GRID2: variants seen among roughly 807,000 people sequenced by gnomAD.
The protein encoded by GRID2 is glutamate ionotropic receptor delta type subunit 2.
In GRID2, 33 loss-of-function variants were observed where a neutral mutation model predicts 114.8. The ratio of observed to expected loss-of-function variants is 0.29; its 90% CI spans 0.22 to 0.38. GRID2 has a LOEUF of 0.38. GRID2 is among the 10% of genes least tolerant of loss of function. The probability of loss-of-function intolerance (pLI) is 1.00; values close to 1 mark genes in which losing one functional copy is unlikely to be tolerated. For synonymous variants in GRID2, 505 were observed against 449.9 expected (o/e 1.12, Z -1.55); for missense variants, 1,184 against 1,257.7 (o/e 0.94, Z 0.89).
intron 14 of GRID2, among the ~76,000 whole-genome samples, chr4:93,681,133 A>G (rs1412880904): frequency 6.6e-6 from 1 of 151,492 alleles, no homozygotes; most frequent in Non-Finnish European, 1.5e-5. Flanking sequence ...TTATACACCA[A>G]TAACAGACAA....
intron 1 of GRID2, among the ~76,000 whole-genome samples, chr4:92,519,496 G>C (rs2149138381): frequency 6.6e-6 from 1 of 151,452 alleles, no homozygotes; most frequent in South Asian, 2.1e-4. Context: ...GCACATAAAG[G>C]CCATAGTCCT....
chr4:93,024,026 A>T (rs563994030), intron 2 of GRID2, among the ~76,000 whole-genome samples: 5 of 151,900 alleles, frequency 3.3e-5, no homozygotes, highest in Non-Finnish European at 7.4e-5. Flanking sequence ...CTCTATAAAA[A>T]CAATTTACAA....
At chr4:93,164,321 G>C (rs1738047353) in intron 4 of GRID2, among the ~76,000 whole-genome samples, 1 of 152,046 alleles carries the variant, frequency 6.6e-6, no homozygotes, top group African/African-American at 2.4e-5. Context: ...AGAATGAAGA[G>C]CAGATGTAAC....
In GRID2 at chr4:93,431,909, A is replaced by G. The variant is rs1769450761; in HGVS notation, c.1545+8941A>G. On this transcript the variant is annotated intron_variant, in intron 10 of 15. Transcript: ENST00000282020. ...GAAAATTGATTTTAATGAGGTAAAG[A>G]TGTTACTTTGATACTGAATATAATA... 3.9e-5 allele frequency among the ~76,000 whole-genome samples: 6 copies of G among 152,322 alleles called. 1 individual carries two copies. In the South Asian group the frequency reaches 1.2e-3, roughly 32 times the overall value.
intron 11 of GRID2, among the ~76,000 whole-genome samples, chr4:93,461,466 G>A (rs1395291278): frequency 1.3e-5 from 2 of 152,090 alleles, no homozygotes; most frequent in Non-Finnish European, 2.9e-5. Context: ...CAGAATTGCA[G>A]TCTTCATTGA....
At chr4:93,242,286 G>A (rs1426216148) in intron 8 of GRID2, among the ~76,000 whole-genome samples, 1 of 151,420 alleles carries the variant, frequency 6.6e-6, no homozygotes, top group Non-Finnish European at 1.5e-5. Context: ...AACAAGAGAG[G>A]TGACTAGGGA....
intron 9 of GRID2, among the ~76,000 whole-genome samples, chr4:93,401,031 C>T (rs570979363): frequency 3.0e-4 from 46 of 152,038 alleles, no homozygotes; most frequent in Non-Finnish European, 4.7e-4. Flanking sequence ...CAGGGGCTCG[C>T]TATGTTGCCC....
At chr4:93,585,538 A>C (rs1485364460) in intron 13 of GRID2, among the ~76,000 whole-genome samples, 1 of 151,998 alleles carries the variant, frequency 6.6e-6, no homozygotes, top group Non-Finnish European at 1.5e-5. Context: ...CCCTTCTTAA[A>C]ATGAGGTCCA....
chr4:92,709,265 T>G (rs1424527566), intron 2 of GRID2, among the ~76,000 whole-genome samples: 1 of 152,140 alleles, frequency 6.6e-6, no homozygotes, highest in Non-Finnish European at 1.5e-5. Flanking sequence ...TCACTAAAAT[T>G]TAATAGTAAT....
chr4:93,595,886 G>A (rs1294242571), intron 13 of GRID2, among the ~76,000 whole-genome samples: 3 of 152,076 alleles, frequency 2.0e-5, no homozygotes, highest in Non-Finnish European at 2.9e-5. Context: ...TGTATTGATC[G>A]CCTATTATGT....
chr4:93,291,660 A>T (rs1325217182), intron 8 of GRID2, among the ~76,000 whole-genome samples: 2 of 152,224 alleles, frequency 1.3e-5, no homozygotes, highest in Non-Finnish European at 2.9e-5. Context: ...AAATCCAAGT[A>T]TATACTTATT....
At chr4:93,353,157 G>C (rs1760970539) in intron 8 of GRID2, among the ~76,000 whole-genome samples, 1 of 152,052 alleles carries the variant, frequency 6.6e-6, no homozygotes, top group Admixed American at 6.6e-5. Flanking sequence ...GTAACACATA[G>C]TAGTGAGCGT....
At chr4:92,431,370 T>C (rs1732439238) in intron 1 of GRID2, among the ~76,000 whole-genome samples, 1 of 152,178 alleles carries the variant, frequency 6.6e-6, no homozygotes, top group Non-Finnish European at 1.5e-5. Flanking sequence ...ATCATATTGA[T>C]TTTGCCCTTC....
chr4:92,304,855 C>T (rs1332645127), intron 1 of GRID2, 111 bp downstream of exon 1: 1 of 772,876 alleles, frequency 1.3e-6, no homozygotes, highest in East Asian at 2.5e-5. Context: ...GAGGTGGCTT[C>T]AGTTCATTGC....
chr4:92,400,230 A>G (rs1449323737), intron 1 of GRID2, among the ~76,000 whole-genome samples: 1 of 152,186 alleles, frequency 6.6e-6, no homozygotes, highest in Non-Finnish European at 1.5e-5. Context: ...TCCAAAAAAG[A>G]AAACCTCTAT....
chr4:93,803,513 G>T (rs760562742), intron 1 of GRID2, among the ~76,000 whole-genome samples: 1 of 152,098 alleles, frequency 6.6e-6, no homozygotes, highest in Non-Finnish European at 1.5e-5. Flanking sequence ...CACAAGGTCA[G>T]GAGTTCGAGA....
At chr4:92,663,316 C>A (rs889926679) in intron 2 of GRID2, among the ~76,000 whole-genome samples, 1 of 150,958 alleles carries the variant, frequency 6.6e-6, no homozygotes. Context: ...AAATGGGCTT[C>A]AAAGTTCACT....
At chr4:93,735,049 C>T (rs1181318386) in intron 14 of GRID2, among the ~76,000 whole-genome samples, 1 of 152,032 alleles carries the variant, frequency 6.6e-6, no homozygotes, top group African/African-American at 2.4e-5. Context: ...ATGAAATGTT[C>T]TTGCCTGTCA....
intron 13 of GRID2, among the ~76,000 whole-genome samples, chr4:93,573,088 C>G (rs1736082520): frequency 6.6e-6 from 1 of 152,076 alleles, no homozygotes. Context: ...AGGAGAGAGA[C>G]AGAGAGAAAG....
Sources: gnomAD v4.1 joint callset for allele counts (sites outside exome capture counted in the v4.1 genomes callset) on GRCh38, gnomAD v4.1.1 for gene constraint, MANE v1.5 for transcripts, NCBI Gene and HGNC (gene_info 2026-07-23, HGNC 2026-07-21) for gene names.